Variants in SMARCC1 observed in about 807,000 individuals in gnomAD.
SMARCC1 encodes the protein SWI/SNF related BAF chromatin remodeling complex subunit C1.
Under a neutral mutation model 147.4 loss-of-function variants are expected in SMARCC1, and 43 were observed. The observed-to-expected ratio is 0.29, with a 90% CI of 0.23 to 0.38. The LOEUF (loss-of-function observed/expected upper bound fraction) is 0.38, where lower values mean the gene tolerates loss of function less well. Ranked by LOEUF, SMARCC1 falls within the 10% of genes least tolerant of loss-of-function variation. The pLI is 1.00. For synonymous variants in SMARCC1, 495 were observed against 484.4 expected, an observed-to-expected ratio of 1.02 and a Z score of -0.29; for missense variants, 1,119 against 1,381.1, an observed-to-expected ratio of 0.81 and a Z score of 3.01.
intron 3 of SMARCC1, among the ~76,000 whole-genome samples, chr3:47,742,140 C>T (rs753685280): frequency 6.6e-6 from 1 of 151,950 alleles, no homozygotes; most frequent in Non-Finnish European, 1.5e-5. Flanking sequence ...GATTATAGTT[C>T]TAATTTGCAT....
intron 26 of SMARCC1, among the ~76,000 whole-genome samples, chr3:47,608,723 C>A (rs2032517339): frequency 6.6e-6 from 1 of 151,832 alleles, no homozygotes; most frequent in African/African-American, 2.4e-5. Context: ...GTGGCATGCA[C>A]CTGTAGTCAC....
intron 24 of SMARCC1, 112 bp from the exon 25 acceptor site, chr3:47,622,453 T>A: frequency 1.0e-6 from 1 of 980,212 alleles, no homozygotes; most frequent in East Asian, 2.4e-5. Context: ...TGGTACCCTA[T>A]ATGTCTCCTT....
intron 14 of SMARCC1, among the ~76,000 whole-genome samples, chr3:47,683,109 C>G (rs918683126): frequency 3.3e-5 from 5 of 152,216 alleles, no homozygotes; most frequent in Non-Finnish European, 7.3e-5. Flanking sequence ...GTGGCGCGAT[C>G]TCAGCTTACT....
intron 2 of SMARCC1, chr3:47,746,225 G>C: frequency 2.8e-6 from 1 of 353,748 alleles, no homozygotes; most frequent in East Asian, 5.1e-5. Flanking sequence ...GAAACAGGAG[G>C]ATCACTTAAG....
intron 24 of SMARCC1, among the ~76,000 whole-genome samples, chr3:47,633,775 TATATACACACACACACACACAC>T (rs1254774856): frequency 0.037 from 694 of 18,628 alleles, 118 homozygotes; most frequent in Middle Eastern, 0.083. Flanking sequence ...TATATATATA[TATATACACACACACACACACAC>T]ACACACACAC....
At chr3:47,678,535 T>A (rs2033600263) in intron 15 of SMARCC1, among the ~76,000 whole-genome samples, 7 of 152,242 alleles carry the variant, frequency 4.6e-5, no homozygotes, top group Admixed American at 3.9e-4. Context: ...AGTAATCTAA[T>A]GACATTAATG....
At chr3:47,735,792 G>C (rs2034435319) in intron 5 of SMARCC1, among the ~76,000 whole-genome samples, 1 of 151,456 alleles carries the variant, frequency 6.6e-6, no homozygotes, top group Non-Finnish European at 1.5e-5. Flanking sequence ...CTTGAGCCCA[G>C]AAGTCCAAAG....
Position 47,772,844 on chromosome 3 carries a change from G to A in SMARCC1, c.288C>T (p.Val96=). 1 of 1,613,150 alleles carries A rather than the reference G, an allele frequency of 6.2e-7. No homozygotes were observed. Among genetic ancestry groups the A allele is most frequent in the Admixed American group, 1.7e-5 (1 of 59,930 alleles). ...QFQEDAFGKH[V]TNPAFTKLPA... is the part of the protein sequence containing the mutation. ...GGAGTTTGGTGAAGGCCGGGTTGGT[G>A]ACATGCTTCCCAAAGGCATCTTCCT... is the stretch of plus-strand genomic sequence containing the variant. Residue 96 remains valine, a synonymous_variant, in exon 2 of 28, where the codon GTC becomes GTT. Transcript: ENST00000254480.
At chr3:47,734,763 A>G (rs1242685825) in intron 5 of SMARCC1, among the ~76,000 whole-genome samples, 1 of 152,154 alleles carries the variant, frequency 6.6e-6, no homozygotes, top group Non-Finnish European at 1.5e-5. Flanking sequence ...AGCAAGCTTG[A>G]GGGGGCAGAA....
intron 18 of SMARCC1, among the ~76,000 whole-genome samples, chr3:47,673,617 AG>A (rs1440597990): frequency 6.6e-6 from 1 of 152,178 alleles, no homozygotes; most frequent in Admixed American, 6.5e-5. Context: ...TGAACCGTGG[AG>A]GTGGAGGTTG....
intron 12 of SMARCC1, among the ~76,000 whole-genome samples, chr3:47,690,257 T>C (rs1231604071): frequency 6.6e-6 from 1 of 152,168 alleles, no homozygotes; most frequent in Non-Finnish European, 1.5e-5. Flanking sequence ...ATACCAACAC[T>C]TTTGGTGGCT....
At chr3:47,598,568 G>A (rs1296523259) in intron 26 of SMARCC1, among the ~76,000 whole-genome samples, 1 of 151,974 alleles carries the variant, frequency 6.6e-6, no homozygotes, top group African/African-American at 2.4e-5. Flanking sequence ...AGTGGCTCAT[G>A]CCTGTAATCC....
chr3:47,631,426 T>G (rs1576393071), intron 24 of SMARCC1, among the ~76,000 whole-genome samples: 3 of 152,294 alleles, frequency 2.0e-5, no homozygotes, highest in Admixed American at 2.0e-4. Flanking sequence ...AAAGAGAACA[T>G]GCTCTAATAT....
chr3:47,737,732 T>C (rs1226831666), intron 4 of SMARCC1, among the ~76,000 whole-genome samples: 2 of 152,038 alleles, frequency 1.3e-5, no homozygotes, highest in Non-Finnish European at 2.9e-5. Flanking sequence ...CTCGGCTCAC[T>C]GCAAGCTCCG....
At chr3:47,654,886 C>A in intron 21 of SMARCC1, among the ~76,000 whole-genome samples, 1 of 152,190 alleles carries the variant, frequency 6.6e-6, no homozygotes, top group Non-Finnish European at 1.5e-5. Flanking sequence ...AAACACCTCC[C>A]AACACCATAA....
chr3:47,620,481 ATTTG>A (rs1181052238), intron 25 of SMARCC1, among the ~76,000 whole-genome samples: 1 of 151,636 alleles, frequency 6.6e-6, no homozygotes. Flanking sequence ...AAAAAAAAAA[ATTTG>A]TTTTTGTTTT....
intron 21 of SMARCC1, among the ~76,000 whole-genome samples, chr3:47,651,029 G>A (rs2033183050): frequency 6.6e-6 from 1 of 152,180 alleles, no homozygotes; most frequent in Non-Finnish European, 1.5e-5. Flanking sequence ...CTCAGGCCAG[G>A]TGTGGTGGCT....
At chr3:47,652,922 T>A (rs1173494914) in intron 21 of SMARCC1, among the ~76,000 whole-genome samples, 2 of 151,818 alleles carry the variant, frequency 1.3e-5, no homozygotes, top group African/African-American at 4.8e-5. Flanking sequence ...GTAAGAGGTG[T>A]TTTGAGTGTT....
At chr3:47,687,128 A>G (rs2033735382) in intron 13 of SMARCC1, among the ~76,000 whole-genome samples, 1 of 152,216 alleles carries the variant, frequency 6.6e-6, no homozygotes, top group African/African-American at 2.4e-5. Context: ...TACTACCTAT[A>G]ACAGTTTCTA....
Sources: gnomAD v4.1 joint callset for allele counts (sites outside exome capture counted in the v4.1 genomes callset) on GRCh38, gnomAD v4.1.1 for gene constraint, MANE v1.5 for transcripts, NCBI Gene and HGNC (gene_info 2026-07-23, HGNC 2026-07-21) for gene names.